The following BPIFB6 variants were observed in gnomAD, a reference collection of about 807,000 sequenced individuals.
BPIFB6 encodes BPI fold containing family B member 6, also known as BPI fold-containing family B member 6.
BPIFB6 carries 47 observed loss-of-function variants against 54.7 expected under a neutral mutation model. The observed-to-expected ratio is 0.86, with a 90% CI of 0.68 to 1.10. The LOEUF (loss-of-function observed/expected upper bound fraction) is 1.10, where lower values mean the gene tolerates loss of function less well. Among genes scored for constraint, BPIFB6 ranks in the 50% least tolerant of loss-of-function variants. The pLI is 0.00. For missense variants in BPIFB6, 603 were observed against 564.1 expected (o/e 1.07, Z -0.70); for synonymous variants, 255 against 225.9 (o/e 1.13, Z -1.16).
intron 13 of BPIFB6, 85 bp downstream of exon 13, chr20:33,042,963 T>C (rs769474403): frequency 1.3e-5 from 17 of 1,267,964 alleles, no homozygotes; most frequent in Non-Finnish European, 1.8e-5. Context: ...CTCAAAGCCC[T>C]ATCACTGGGC....
intron 2 of BPIFB6, chr20:33,033,672 T>C: frequency 2.2e-6 from 1 of 455,806 alleles, no homozygotes; most frequent in Non-Finnish European, 4.4e-6. Context: ...CAAACAGGGG[T>C]GATTTTGCCT....
chr20:33,035,699 C>T, intron 6 of BPIFB6, 27 bp downstream of exon 6: 2 of 1,605,624 alleles, frequency 1.2e-6, no homozygotes, highest in Non-Finnish European at 1.7e-6. Flanking sequence ...CCACACCTTG[C>T]CCCTACCTAG....
chr20:33,037,299 G>T (rs558156849), intron 7 of BPIFB6, among the ~76,000 whole-genome samples: 10 of 152,316 alleles, frequency 6.6e-5, no homozygotes, highest in Non-Finnish European at 1.3e-4. Context: ...CAACCACTCA[G>T]AGCAACTGAG....
In BPIFB6 at chr20:33,037,553, G is replaced by A. The variant is rs766237589; in HGVS notation, c.670-9G>A. On this transcript the variant is annotated splice_polypyrimidine_tract_variant and intron_variant, in intron 7 of 14. Transcript: ENST00000349552. ...CAAGGCTGAGTGTCTCCCTCCTGCT[G>A]CCCCATAGCCTGTGGTGCAGCAGCA... is the stretch of plus-strand genomic sequence containing the variant. The A allele has an allele frequency of 1.6e-5, 26 of 1,600,122 alleles. No homozygotes were observed. Among genetic ancestry groups the A allele is most frequent in the Non-Finnish European group, 2.1e-5 (24 of 1,170,358 alleles).
chr20:33,037,752 T>G lies in BPIFB6; in HGVS notation c.846+14T>G. On this transcript the variant is annotated intron_variant, in intron 8 of 14. Transcript: ENST00000349552. ...CAGGATACAATGGTGAGCTGTCCAGTTCCCCATTTCCATCTGCCTCTGTCC... is the reference window on the plus strand; with the variant it reads ...CAGGATACAATGGTGAGCTGTCCAGGTCCCCATTTCCATCTGCCTCTGTCC... The G allele has an allele frequency of 6.2e-7, 1 of 1,612,672 alleles. No homozygotes were observed. Among genetic ancestry groups the G allele is most frequent in the South Asian group, 1.1e-5 (1 of 90,946 alleles).
chr20:33,039,668 C>T (rs560786246), intron 10 of BPIFB6, 148 bp downstream of exon 10: 218 of 917,256 alleles, frequency 2.4e-4, no homozygotes, highest in Non-Finnish European at 3.3e-4. Context: ...GCCACTGAAC[C>T]TTTGAATGGC....
At chr20:33,038,357 A>G (rs960507663) in intron 8 of BPIFB6, among the ~76,000 whole-genome samples, 6 of 151,762 alleles carry the variant, frequency 4.0e-5, no homozygotes, top group Non-Finnish European at 8.8e-5. Flanking sequence ...CTTTCCATCC[A>G]TCCTCCCATC....
Position 33,031,758 on chromosome 20 carries a change from G to C in BPIFB6, c.97+14G>C, listed in dbSNP as rs760285280. On this transcript the variant is annotated intron_variant, in intron 1 of 14. Coordinates refer to ENST00000349552, the MANE Select transcript of BPIFB6 (RefSeq NM_174897.2). ...ACATCATGAACCGTGGTGAGCTTGT[G>C]GGCCCGGGCGTGCAGCTGGGAGGCG... 9.3e-6 allele frequency: 15 copies of C among 1,613,198 alleles called. No individual in the cohort carries two copies. The highest frequency in any genetic ancestry group is 1.3e-5 in the Non-Finnish European group (15 of 1,179,314).
Position 33,039,520 on chromosome 20 carries a change from G to A in BPIFB6, c.1074G>A (p.Val358=), listed in dbSNP as rs760956234. 18 of 1,600,530 alleles carry A rather than the reference G, an allele frequency of 1.1e-5. No individual in the cohort carries two copies. The highest frequency in any genetic ancestry group is 6.8e-5 in the South Asian group (6 of 88,516). ...CAATGTCCCTCTTTCTCCTAGAAGT[G>A]GTGAGGGAAATCGTTCCCTTCCCCA... ...KAPMSLFLLE[V]HFNLKVQYSV... The change falls in exon 10 of 15, where the codon GTG becomes GTA. Residue 358 remains valine (V), a splice_region_variant and synonymous_variant. Transcript: ENST00000349552.
intron 13 of BPIFB6, 134 bp downstream of exon 13, chr20:33,043,012 C>A: frequency 1.2e-6 from 1 of 804,074 alleles, no homozygotes; most frequent in Non-Finnish European, 2.0e-6. Flanking sequence ...AAGATAATTG[C>A]TGAATCTTTG....
At chr20:33,042,039 C>T (rs1979611899) in intron 12 of BPIFB6, 24 bp downstream of exon 12, 3 of 1,610,140 alleles carry the variant, frequency 1.9e-6, no homozygotes, top group Non-Finnish European at 2.6e-6. Flanking sequence ...GTGCTCTTGC[C>T]TGTCCGGCGT....
In BPIFB6 at chr20:33,035,920, G is replaced by A. The variant is rs116078942; in HGVS notation, c.577+248G>A. On this transcript the variant is annotated intron_variant, in intron 6 of 14. Transcript: ENST00000349552. ...TGAACCCCACAAGACTCCAAAGACAGCAGCCCTTCTTTGCTCGTCCACAAG... is the reference window on the plus strand; with the variant it reads ...TGAACCCCACAAGACTCCAAAGACAACAGCCCTTCTTTGCTCGTCCACAAG... Among the ~76,000 whole-genome samples, 493 of 152,212 alleles carry A rather than the reference G, an allele frequency of 3.2e-3. 3 individuals carry two copies. The highest frequency in any genetic ancestry group is 0.011 in the African/African-American group (462 of 41,524).
In BPIFB6 at chr20:33,033,097, G is replaced by T; in HGVS notation, c.197+14G>T. On this transcript the variant is annotated intron_variant, in intron 2 of 14. Coordinates refer to ENST00000349552, the MANE Select transcript of BPIFB6 (RefSeq NM_174897.2). ...GGGCATCACCAAGTGAGTAGGGGAG[G>T]GGAGCTGGAGGGTGGTGGTTAGGGC... The T allele has an allele frequency of 6.3e-7, 1 of 1,592,710 alleles. No homozygotes were observed. Among genetic ancestry groups the T allele is most frequent in the Non-Finnish European group, 8.6e-7 (1 of 1,160,662 alleles).
In BPIFB6 at chr20:33,035,168, C is replaced by T. The variant is rs763609876; in HGVS notation, c.516+24C>T. 2.5e-6 allele frequency: 4 copies of T among 1,611,448 alleles called. No homozygotes were observed. In the East Asian group the frequency reaches 8.9e-5, roughly 36 times the overall value. Reference sequence around the variant, plus strand: ...TGGTGAGTGACCCAGAGAAAGCCTCCACCCCTCGTTGCTGGGACTGCTTAG... The same window carrying T: ...TGGTGAGTGACCCAGAGAAAGCCTCTACCCCTCGTTGCTGGGACTGCTTAG... On this transcript the variant is annotated intron_variant, in intron 5 of 14. Coordinates refer to ENST00000349552, the MANE Select transcript of BPIFB6 (RefSeq NM_174897.2).
At chr20:33,039,262 C>A in intron 9 of BPIFB6, 85 bp from the exon 10 acceptor site, 1 of 1,356,726 alleles carries the variant, frequency 7.4e-7, no homozygotes, top group Non-Finnish European at 1.0e-6. Context: ...ACGTAGAAAT[C>A]ACCTATGTCT....
intron 6 of BPIFB6, among the ~76,000 whole-genome samples, chr20:33,036,052 G>A (rs906380391): frequency 2.0e-5 from 3 of 152,118 alleles, no homozygotes; most frequent in Admixed American, 2.0e-4. Flanking sequence ...TCCCAAAGCA[G>A]GAGAGAGGAA....
In BPIFB6 at chr20:33,037,629, C is replaced by A. The variant is rs773179885; in HGVS notation, c.737C>A (p.Pro246His). 12 of 1,613,988 alleles carry A rather than the reference C, an allele frequency of 7.4e-6. No homozygotes were observed. The Admixed American group carries it at 2.0e-4, about 27-fold the overall frequency. The change falls in exon 8 of 15, where the codon CCT (proline) becomes CAT (histidine). Residue 246 changes from proline (P) to histidine (H), a missense_variant. Physicochemically the swap from Pro to His is moderately conservative, Grantham distance 77. Coordinates refer to ENST00000349552, the MANE Select transcript of BPIFB6 (RefSeq NM_174897.2). ...LADAGEALTFPEGYAKGSSQL... is the reference protein window; with the variant it reads ...LADAGEALTFHEGYAKGSSQL... ...GATGCCGGGGAGGCCCTCACGTTCC[C>A]TGAGGGTTATGCCAAAGGCTCGTCG...
chr20:33,039,232 T>G, intron 9 of BPIFB6, 115 bp from the exon 10 acceptor site: 2 of 1,108,996 alleles, frequency 1.8e-6, no homozygotes, highest in Middle Eastern at 2.5e-4. Context: ...GGCCTTTGCA[T>G]GTTGTACTTC....
At chr20:33,039,272 T>A in intron 9 of BPIFB6, 75 bp from the exon 10 acceptor site, 1 of 1,442,696 alleles carries the variant, frequency 6.9e-7, no homozygotes, top group Non-Finnish European at 9.4e-7. Flanking sequence ...CACCTATGTC[T>A]TGAGGGACCC....
Sources: gnomAD v4.1 joint callset for allele counts (sites outside exome capture counted in the v4.1 genomes callset) on GRCh38, gnomAD v4.1.1 for gene constraint, MANE v1.5 for transcripts, NCBI Gene and HGNC (gene_info 2026-07-23, HGNC 2026-07-21) for gene names.